The following ROR1 variants were observed in gnomAD, a reference collection of about 807,000 sequenced individuals.
ROR1 encodes ROR family WNT receptor 1.
A neutral mutation model predicts 78.8 loss-of-function variants in ROR1; 19 were observed. The ratio of observed to expected loss-of-function variants is 0.24; its 90% confidence interval spans 0.17 to 0.35. The LOEUF is 0.35. Ranked by LOEUF, ROR1 falls within the 10% of genes least tolerant of loss-of-function variation. ROR1 has a pLI of 1.00. For missense variants in ROR1, 917 were observed against 1,177.8 expected (o/e 0.78, Z 3.24); for synonymous variants, 386 against 433.6 (o/e 0.89, Z 1.36).
At chr1:63,889,969 G>T (rs1645383257) in intron 1 of ROR1, among the ~76,000 whole-genome samples, 1 of 151,942 alleles carries the variant, frequency 6.6e-6, no homozygotes, top group African/African-American at 2.4e-5. Flanking sequence ...GTGTATAGAT[G>T]GTGTTTTCCC....
intron 8 of ROR1, among the ~76,000 whole-genome samples, chr1:64,173,191 A>T (rs144801702): frequency 2.6e-5 from 4 of 152,266 alleles, no homozygotes; most frequent in Non-Finnish European, 4.4e-5. Context: ...TTCGAAGGGA[A>T]GATTTTGTGG....
chr1:63,795,523 T>G (rs1260185534), intron 1 of ROR1, among the ~76,000 whole-genome samples: 5 of 152,180 alleles, frequency 3.3e-5, no homozygotes, highest in Non-Finnish European at 5.9e-5. Flanking sequence ...GGACCTGCCG[T>G]GTGCTTGGGC....
intron 1 of ROR1, among the ~76,000 whole-genome samples, chr1:64,007,464 G>A (rs1194383257): frequency 6.6e-6 from 1 of 151,242 alleles, no homozygotes; most frequent in African/African-American, 2.4e-5. Context: ...TTAGTAGCGT[G>A]GATTAAATTT....
At chr1:64,176,763 A>T (rs1196975011) in intron 8 of ROR1, among the ~76,000 whole-genome samples, 1 of 152,272 alleles carries the variant, frequency 6.6e-6, no homozygotes, top group African/African-American at 2.4e-5. Flanking sequence ...AGACCTTCCC[A>T]TCTCTATTGT....
intron 1 of ROR1, among the ~76,000 whole-genome samples, chr1:63,785,930 A>G (rs777114647): frequency 2.6e-5 from 4 of 152,152 alleles, no homozygotes; most frequent in Non-Finnish European, 5.9e-5. Context: ...TGGTGTCCCT[A>G]AGTCAAAGCA....
At chr1:63,882,116 G>A (rs1052862928) in intron 1 of ROR1, among the ~76,000 whole-genome samples, 12 of 152,130 alleles carry the variant, frequency 7.9e-5, no homozygotes, top group African/African-American at 2.9e-4. Context: ...CTGAAAATTA[G>A]TAGGAGATCC....
intron 1 of ROR1, among the ~76,000 whole-genome samples, chr1:63,941,373 CAA>C (rs912339053): frequency 5.3e-5 from 8 of 152,124 alleles, no homozygotes; most frequent in African/African-American, 1.7e-4. Flanking sequence ...TTGAAATTCA[CAA>C]GTCTGGGTAG....
At chr1:63,888,378 G>T (rs1317780142) in intron 1 of ROR1, among the ~76,000 whole-genome samples, 1 of 152,106 alleles carries the variant, frequency 6.6e-6, no homozygotes, top group Non-Finnish European at 1.5e-5. Context: ...ACTTTGGGAA[G>T]ATGAGGTGGG....
At chr1:63,790,020 A>G (rs1304481241) in intron 1 of ROR1, among the ~76,000 whole-genome samples, 1 of 152,068 alleles carries the variant, frequency 6.6e-6, no homozygotes, top group Non-Finnish European at 1.5e-5. Flanking sequence ...CCCATCAGCT[A>G]CAGTCCTTCT....
chr1:64,110,586 T>C (rs1361841030), intron 4 of ROR1: 1 of 152,074 alleles, frequency 6.6e-6, no homozygotes, highest in Non-Finnish European at 1.5e-5. Context: ...TGTTTCTGTT[T>C]GTAATTTCAA....
At chr1:64,151,601 G>A (rs547188346) in intron 7 of ROR1, among the ~76,000 whole-genome samples, 3 of 152,132 alleles carry the variant, frequency 2.0e-5, no homozygotes, top group African/African-American at 7.2e-5. Flanking sequence ...GGCTGGGCTC[G>A]GTGGCTTATG....
intron 1 of ROR1, chr1:63,843,504 T>C: frequency 1.3e-6 from 1 of 754,268 alleles, no homozygotes; most frequent in Non-Finnish European, 2.4e-6. Flanking sequence ...GTCGATGGTC[T>C]GGCTCACATC....
At chr1:63,840,916 TAAC>T in intron 1 of ROR1, among the ~76,000 whole-genome samples, 1 of 152,336 alleles carries the variant, frequency 6.6e-6, no homozygotes, top group African/African-American at 2.4e-5. Flanking sequence ...AACACAGTGT[TAAC>T]TACTACTGTT....
At chr1:64,162,613 C>G (rs569360080) in intron 8 of ROR1, among the ~76,000 whole-genome samples, 3 of 113,068 alleles carry the variant, frequency 2.7e-5, no homozygotes, top group African/African-American at 7.8e-5. Flanking sequence ...ATTTTCTCAG[C>G]TGTTCAGGAG....
At chr1:63,850,723 C>T (rs1341360535) in intron 1 of ROR1, among the ~76,000 whole-genome samples, 1 of 152,010 alleles carries the variant, frequency 6.6e-6, no homozygotes, top group African/African-American at 2.4e-5. Flanking sequence ...GTAGAATTAT[C>T]CTCATCAAAG....
At chr1:64,091,488 G>T (rs564545734) in intron 4 of ROR1, among the ~76,000 whole-genome samples, 1 of 152,180 alleles carries the variant, frequency 6.6e-6, no homozygotes, top group Middle Eastern at 3.4e-3. Context: ...AAAAAGAAAT[G>T]ACAATCTTTG....
chr1:63,812,506 T>C (rs575760975), intron 1 of ROR1, among the ~76,000 whole-genome samples: 1 of 152,236 alleles, frequency 6.6e-6, no homozygotes, highest in South Asian at 2.1e-4. Flanking sequence ...TCAGTAAGTT[T>C]TGACTGAATG....
intron 1 of ROR1, among the ~76,000 whole-genome samples, chr1:63,906,681 G>A (rs1645531560): frequency 6.6e-6 from 1 of 152,206 alleles, no homozygotes; most frequent in South Asian, 2.1e-4. Context: ...GAGGCAGTTA[G>A]TGAAATCAGT....
chr1:63,785,492 A>T (rs1269222011), intron 1 of ROR1, among the ~76,000 whole-genome samples: 1 of 143,726 alleles, frequency 7.0e-6, no homozygotes, highest in East Asian at 2.0e-4. Context: ...CTATATATAT[A>T]TATATTTTAT....
Sources: gnomAD v4.1 joint callset for allele counts (sites outside exome capture counted in the v4.1 genomes callset) on GRCh38, gnomAD v4.1.1 for gene constraint, MANE v1.5 for transcripts, NCBI Gene and HGNC (gene_info 2026-07-23, HGNC 2026-07-21) for gene names.